The following TRMT9B variants were observed in gnomAD, a reference collection of about 807,000 sequenced individuals.
TRMT9B encodes tRNA methyltransferase 9B (putative).
Under a neutral mutation model 11.5 loss-of-function variants are expected in TRMT9B, and 16 were observed. That is an observed-to-expected ratio of 1.39 (90% CI 0.94 to 2.11). TRMT9B has a LOEUF of 2.11. TRMT9B is among the 30% of genes most tolerant of loss of function. The pLI is 0.00. For missense variants in TRMT9B, 941 were observed against 553.8 expected (o/e 1.70, Z -7.02); for synonymous variants, 274 against 192.4 (o/e 1.42, Z -3.51).
At chr8:12,999,622 T>G (rs1173219664) in intron 2 of TRMT9B, among the ~76,000 whole-genome samples, 1 of 152,208 alleles carries the variant, frequency 6.6e-6, no homozygotes, top group East Asian at 1.9e-4. Flanking sequence ...CCTATTACAT[T>G]TAGGGCCAGT....
In TRMT9B at chr8:13,021,601, G is replaced by C. The variant is rs1465554806; in HGVS notation, c.922G>C (p.Asp308His). The change falls in exon 5 of 5, where the codon GAT becomes CAT. Residue 308 changes from aspartate (D) to histidine (H), a missense_variant. Coordinates refer to ENST00000524591, the MANE Select transcript of TRMT9B (RefSeq NM_020844.3). ...EPFSTKGQSL[D>H]EEVFVESSSG... ...ATTTTCAACAAAAGGGCAAAGTTTA[G>C]ATGAGGAAGTGTTTGTGGAATCTTC... is the stretch of plus-strand genomic sequence containing the variant. The C allele has an allele frequency of 2.5e-6, 4 of 1,613,968 alleles. No homozygotes were observed. The highest frequency in any genetic ancestry group is 3.4e-6 in the Non-Finnish European group (4 of 1,179,878).
At chr8:12,970,534 G>A (rs904603784) in intron 1 of TRMT9B, among the ~76,000 whole-genome samples, 2 of 152,194 alleles carry the variant, frequency 1.3e-5, no homozygotes, top group Non-Finnish European at 2.9e-5. Flanking sequence ...CTTCTGGGCG[G>A]TCCTACAGAT....
chr8:13,021,771 C>G lies in TRMT9B; in HGVS notation c.1092C>G (p.Asn364Lys), dbSNP rs1813969546. ...NTGVNCVDAG[N>K]IEDDNPSASK... ...GTGTGAATTGTGTGGATGCAGGCAA[C>G]ATAGAAGATGATAATCCTTCTGCTA... Residue 364 changes from asparagine to lysine, a missense_variant, in exon 5 of 5, where the codon AAC (asparagine) becomes AAG (lysine). Physicochemically the swap from Asn to Lys is moderately conservative, Grantham distance 94. Transcript: ENST00000524591. The G allele has an allele frequency of 6.2e-7, 1 of 1,613,776 alleles. No individual in the cohort carries two copies. The highest frequency in any genetic ancestry group is 1.3e-5 in the African/African-American group (1 of 74,904).
At chr8:12,965,454 G>C (rs559665482) in intron 1 of TRMT9B, among the ~76,000 whole-genome samples, 78 of 152,288 alleles carry the variant, frequency 5.1e-4, no homozygotes, top group African/African-American at 1.9e-3. Flanking sequence ...GGTGTGGCCA[G>C]CCTTCCCCAG....
intron 1 of TRMT9B, among the ~76,000 whole-genome samples, chr8:12,984,596 T>C (rs2128874926): frequency 6.6e-6 from 1 of 152,276 alleles, no homozygotes; most frequent in South Asian, 2.1e-4. Flanking sequence ...TGGAAGTGCC[T>C]TTCGTATGTA....
intron 4 of TRMT9B, among the ~76,000 whole-genome samples, chr8:13,016,815 G>C (rs1317181693): frequency 1.3e-5 from 2 of 149,368 alleles, no homozygotes; most frequent in Non-Finnish European, 3.0e-5. Context: ...GTCACAACTG[G>C]ATATGTTTAT....
At chr8:13,008,210 C>A (rs563802074) in intron 3 of TRMT9B, among the ~76,000 whole-genome samples, 3 of 152,338 alleles carry the variant, frequency 2.0e-5, no homozygotes, top group South Asian at 4.1e-4. Flanking sequence ...CACTATAACT[C>A]TTTCGTGAAC....
intron 1 of TRMT9B, among the ~76,000 whole-genome samples, chr8:12,959,425 C>G (rs979910961): frequency 2.6e-5 from 4 of 151,086 alleles, no homozygotes; most frequent in Non-Finnish European, 4.4e-5. Flanking sequence ...GTCTTTATGT[C>G]CATGCAAATA....
At chr8:12,991,567 A>G (rs1807333940) in intron 2 of TRMT9B, among the ~76,000 whole-genome samples, 1 of 152,188 alleles carries the variant, frequency 6.6e-6, no homozygotes, top group Non-Finnish European at 1.5e-5. Flanking sequence ...TTATAATAGG[A>G]GAGCCATTTC....
At chr8:12,994,485 C>T (rs755329757) in intron 2 of TRMT9B, among the ~76,000 whole-genome samples, 8 of 152,146 alleles carry the variant, frequency 5.3e-5, no homozygotes, top group Non-Finnish European at 1.2e-4. Flanking sequence ...TTCGGTAGCG[C>T]TCAGCTCTTC....
chr8:12,965,972 CA>C (rs1272226770), intron 1 of TRMT9B, among the ~76,000 whole-genome samples: 2 of 151,356 alleles, frequency 1.3e-5, no homozygotes, highest in African/African-American at 4.9e-5. Context: ...AAGATAGTGC[CA>C]CCGCACCCCA....
chr8:12,950,610 T>A (rs1800529025), intron 1 of TRMT9B, among the ~76,000 whole-genome samples: 1 of 151,942 alleles, frequency 6.6e-6, no homozygotes, highest in African/African-American at 2.4e-5. Flanking sequence ...AGTCTGATTA[T>A]CCAGGGCATG....
chr8:12,995,599 G>T (rs747540862), intron 2 of TRMT9B, among the ~76,000 whole-genome samples: 1 of 151,852 alleles, frequency 6.6e-6, no homozygotes, highest in Non-Finnish European at 1.5e-5. Flanking sequence ...TTGTCATTCT[G>T]TCTTGATCCT....
At chr8:12,984,085 T>C (rs1805864901) in intron 1 of TRMT9B, among the ~76,000 whole-genome samples, 1 of 152,182 alleles carries the variant, frequency 6.6e-6, no homozygotes, top group African/African-American at 2.4e-5. Flanking sequence ...AGTGACGCCT[T>C]TTCTTTCTGA....
chr8:12,996,668 A>G (rs1393391664), intron 2 of TRMT9B, among the ~76,000 whole-genome samples: 2 of 152,236 alleles, frequency 1.3e-5, no homozygotes, highest in East Asian at 3.9e-4. Flanking sequence ...TTTAAAGTAC[A>G]TAACAAGGCA....
intron 1 of TRMT9B, among the ~76,000 whole-genome samples, chr8:12,981,785 A>G (rs1805437839): frequency 6.6e-6 from 1 of 151,908 alleles, no homozygotes; most frequent in Admixed American, 6.6e-5. Flanking sequence ...CTTTTTAGAG[A>G]CAAGAATCTC....
chr8:13,009,471 C>G (rs1811175200), intron 3 of TRMT9B, among the ~76,000 whole-genome samples: 1 of 152,156 alleles, frequency 6.6e-6, no homozygotes, highest in Non-Finnish European at 1.5e-5. Context: ...CAAAAGAATG[C>G]TTAGTGTAAA....
At chr8:12,950,483 G>C (rs1223092044) in intron 1 of TRMT9B, among the ~76,000 whole-genome samples, 2 of 151,598 alleles carry the variant, frequency 1.3e-5, no homozygotes, top group Admixed American at 6.6e-5. Flanking sequence ...ATGAGCTGCT[G>C]CATTTCTGTA....
intron 2 of TRMT9B, among the ~76,000 whole-genome samples, chr8:13,003,108 C>T (rs1028312372): frequency 1.3e-5 from 2 of 152,168 alleles, no homozygotes; most frequent in Non-Finnish European, 2.9e-5. Flanking sequence ...CCTTGTTCTC[C>T]AGAGTCTTCC....
Sources: gnomAD v4.1 joint callset for allele counts (sites outside exome capture counted in the v4.1 genomes callset) on GRCh38, gnomAD v4.1.1 for gene constraint, MANE v1.5 for transcripts, NCBI Gene and HGNC (gene_info 2026-07-23, HGNC 2026-07-21) for gene names.